CHD1L: variants seen among roughly 807,000 people sequenced by gnomAD.
CHD1L encodes chromodomain helicase DNA binding protein 1 like, also known as ATP-dependent chromatin remodeler CHD1L.
CHD1L carries 118 observed loss-of-function variants against 115.9 expected under a neutral mutation model. The observed-to-expected ratio is 1.02, with a 90% CI of 0.88 to 1.19. The LOEUF (loss-of-function observed/expected upper bound fraction) is 1.19, where lower values mean the gene tolerates loss of function less well. CHD1L is among the 50% of genes most tolerant of loss of function. CHD1L has a pLI of 0.00. For synonymous variants in CHD1L, 411 were observed against 387.1 expected, an observed-to-expected ratio of 1.06 and a Z score of -0.72; for missense variants, 1,179 against 1,065.3, an observed-to-expected ratio of 1.11 and a Z score of -1.49.
At chr1:147,229,324 T>A in the CHD1L span, among the ~76,000 whole-genome samples, 1 of 152,162 alleles carries the variant, frequency 6.6e-6, no homozygotes, top group African/African-American at 2.4e-5. Context: ...GTTGTAGATA[T>A]GCGGCATTAT....
At chr1:147,204,829 G>A in the CHD1L span, 3 of 1,603,202 alleles carry the variant, frequency 1.9e-6, no homozygotes, top group Non-Finnish European at 2.6e-6. Flanking sequence ...CTCCTTGCAA[G>A]CTTGTATGTT....
upstream of CHD1L, among the ~76,000 whole-genome samples, chr1:147,239,196 C>A (rs980560347): frequency 1.3e-5 from 2 of 152,150 alleles, no homozygotes; most frequent in African/African-American, 4.8e-5. Context: ...TAGACCCCCC[C>A]TCCCCTTTCT....
At chr1:147,201,378 C>T in the CHD1L span, 1 of 1,614,164 alleles carries the variant, frequency 6.2e-7, no homozygotes. Flanking sequence ...TGTCATCCTC[C>T]CTGGAGCCAT....
At chr1:147,256,021 A>G in intron 4 of CHD1L, 94 bp downstream of exon 4, 1 of 787,954 alleles carries the variant, frequency 1.3e-6, no homozygotes, top group South Asian at 2.2e-5. Context: ...TGTTGAGAGC[A>G]CACACTTTTC....
At chr1:147,236,300 T>A in the CHD1L span, among the ~76,000 whole-genome samples, 6 of 152,228 alleles carry the variant, frequency 3.9e-5, no homozygotes, top group East Asian at 1.2e-3. Context: ...CTGCAGCTCC[T>A]CTCTCCTTCT....
chr1:147,294,766 GAATT>G (rs2103045666), intron 22 of CHD1L, among the ~76,000 whole-genome samples: 1 of 152,288 alleles, frequency 6.6e-6, no homozygotes, highest in Non-Finnish European at 1.5e-5. Context: ...ATGAAGGGGA[GAATT>G]AATTGAGCAA....
At chr1:147,184,772 A>G in the CHD1L span, 1 of 1,099,256 alleles carries the variant, frequency 9.1e-7, no homozygotes, top group Non-Finnish European at 1.2e-6. The surrounding 1 kb of genome is among the most constrained non-coding windows in gnomAD (Gnocchi z 4.4). Flanking sequence ...TGTTTATCAG[A>G]TTTCTCCACT....
At chr1:147,284,575 A>T in intron 16 of CHD1L, 76 bp downstream of exon 16, 1 of 1,311,884 alleles carries the variant, frequency 7.6e-7, no homozygotes, top group Non-Finnish European at 1.0e-6. Flanking sequence ...TGATGCTGGC[A>T]TCGTTTTGTT....
chr1:147,293,029 A>C (rs1213125814), intron 20 of CHD1L, among the ~76,000 whole-genome samples: 1 of 152,262 alleles, frequency 6.6e-6, no homozygotes, highest in Admixed American at 6.5e-5. Flanking sequence ...TGAGAAACTC[A>C]GAATCCAGTG....
chr1:147,288,633 A>G (rs1684331880), intron 19 of CHD1L, among the ~76,000 whole-genome samples: 1 of 152,196 alleles, frequency 6.6e-6, no homozygotes, highest in Non-Finnish European at 1.5e-5. Context: ...ATGAGCTGAG[A>G]TCATGCCATT....
At chr1:147,255,956 C>T in intron 4 of CHD1L, 29 bp downstream of exon 4, 2 of 1,477,458 alleles carry the variant, frequency 1.4e-6, no homozygotes, top group Non-Finnish European at 1.9e-6. Context: ...ATAGCGAGAA[C>T]TCCTAACCTG....
chr1:147,248,220 TC>T, intron 1 of CHD1L, among the ~76,000 whole-genome samples: 2 of 151,832 alleles, frequency 1.3e-5, no homozygotes, highest in Non-Finnish European at 1.5e-5. Context: ...ATTTTTTTTT[TC>T]TTTGAGACGG....
chr1:147,286,569 G>A (rs1683222517), intron 18 of CHD1L, 69 bp downstream of exon 18: 1 of 1,441,648 alleles, frequency 6.9e-7, no homozygotes, highest in Admixed American at 1.7e-5. Flanking sequence ...GGGGAGGATG[G>A]GGCACTGGGA....
chr1:147,197,358 T>C, the CHD1L span, among the ~76,000 whole-genome samples: 61 of 152,304 alleles, frequency 4.0e-4, 1 homozygote, highest in East Asian at 7.9e-3. Flanking sequence ...GTTTAGGATA[T>C]AGTTAAATAT....
In CHD1L at chr1:147,281,689, G is replaced by A. The variant is rs17160112; in HGVS notation, c.1705+1498G>A. Among the ~76,000 whole-genome samples the A allele has an allele frequency of 6.6e-5, 10 of 151,946 alleles. No homozygotes were observed. In the East Asian group the frequency reaches 1.9e-3, roughly 29 times the overall value. On this transcript the variant is annotated intron_variant, in intron 15 of 22. Transcript: ENST00000369258. ...TCAAGGACATACTGTCTTCTCTGGG[G>A]ACATTTATTATGGCTTCTTAATATG...
the CHD1L span, among the ~76,000 whole-genome samples, chr1:147,188,454 T>G: frequency 1.1e-4 from 15 of 135,902 alleles, no homozygotes; most frequent in Non-Finnish European, 1.8e-4. Context: ...CTCCAGGAAG[T>G]GGAGGTTGCA....
At chr1:147,178,253 T>C in the CHD1L span, 6 of 1,613,708 alleles carry the variant, frequency 3.7e-6, no homozygotes, top group South Asian at 6.6e-5. Context: ...TCTGCGGGCC[T>C]CATGCTCGTC....
chr1:147,290,186 A>G (rs35962871), intron 19 of CHD1L, among the ~76,000 whole-genome samples: 149,088 of 152,246 alleles, frequency 0.98, 73,020 homozygotes, highest in East Asian at 1. Flanking sequence ...AGGCTCAGGA[A>G]ATCCTCCTGC....
At chr1:147,204,078 T>A in the CHD1L span, 3 of 1,115,818 alleles carry the variant, frequency 2.7e-6, no homozygotes, top group Non-Finnish European at 4.1e-6. Context: ...TTTGCACCAG[T>A]ATCAGCAATA....
Sources: allele counts gnomAD v4.1 joint callset (sites outside exome capture counted in the v4.1 genomes callset), GRCh38; gene constraint gnomAD v4.1.1; non-coding constraint Gnocchi (gnomAD v3.1); transcripts MANE v1.5; gene names NCBI Gene and HGNC (gene_info 2026-07-23, HGNC 2026-07-21).